Variants in RNF122 observed in about 807,000 individuals in gnomAD.
RNF122 encodes the protein ring finger protein 122.
Under a neutral mutation model 24.2 loss-of-function variants are expected in RNF122, and 17 were observed. That is an observed-to-expected ratio of 0.70 (90% CI 0.48 to 1.06). The LOEUF (loss-of-function observed/expected upper bound fraction) is 1.06, where lower values mean the gene tolerates loss of function less well. Among genes scored for constraint, RNF122 ranks in the 50% least tolerant of loss-of-function variants. The probability of loss-of-function intolerance (pLI) is 0.00; values close to 1 mark genes in which losing one functional copy is unlikely to be tolerated. For synonymous variants in RNF122, 65 were observed against 71.8 expected (o/e 0.91, Z 0.48); for missense variants, 168 against 198.1 (o/e 0.85, Z 0.91).
intron 1 of RNF122, 59 bp downstream of exon 1, chr8:33,566,640 C>T: frequency 1.3e-6 from 2 of 1,552,268 alleles, no homozygotes; most frequent in South Asian, 2.4e-5. Context: ...CGACCTCGCA[C>T]CCCGCGCCGC....
intron 2 of RNF122, among the ~76,000 whole-genome samples, chr8:33,554,923 T>C (rs1810429600): frequency 6.6e-6 from 1 of 152,168 alleles, no homozygotes; most frequent in Admixed American, 6.6e-5. Flanking sequence ...AAGTGGGGCC[T>C]ATTTTGGCTG....
intron 1 of RNF122, among the ~76,000 whole-genome samples, chr8:33,560,553 C>CTTT (rs796310469): frequency 6.9e-6 from 1 of 145,624 alleles, no homozygotes; most frequent in African/African-American, 2.5e-5. Context: ...TCTTTTTTTC[C>CTTT]TTTTTTTTTT....
At position 33,566,768 on chromosome 8, in the gene RNF122, G is replaced by A; in HGVS notation, c.-45C>T. ...TTCCTCGGGCGAACGGACGCAGGCG[G>A]GGTGCCAGGAGGGCGGGGTGGGAGC... is the stretch of plus-strand genomic sequence containing the variant. On this transcript the variant is annotated 5_prime_UTR_variant, in exon 1 of 6. Coordinates refer to ENST00000256257, the MANE Select transcript of RNF122 (RefSeq NM_024787.3). The A allele has an allele frequency of 6.3e-7, 1 of 1,590,178 alleles. No homozygotes were observed. The highest frequency in any genetic ancestry group is 1.3e-5 in the African/African-American group (1 of 74,792).
intron 1 of RNF122, among the ~76,000 whole-genome samples, chr8:33,563,714 G>T (rs1315170738): frequency 3.3e-5 from 5 of 152,160 alleles, no homozygotes; most frequent in African/African-American, 1.2e-4. Context: ...GGTGCTCCCA[G>T]CTGTTTTCTC....
chr8:33,549,413 C>T lies in RNF122; in HGVS notation c.350G>A (p.Arg117His), dbSNP rs755948110. The change falls in exon 5 of 6, where the codon CGC (arginine) becomes CAC (histidine). Residue 117 changes from arginine to histidine, a missense_variant. Coordinates refer to ENST00000256257, the MANE Select transcript of RNF122 (RefSeq NM_024787.3). ...CCCTGGACACATTCCCACGTACTTG[C>T]GGTGAAAGGCGTGTTGGCACGGGAG... Reference protein sequence around the residue: ...GVLPCQHAFHRKCLVKWLEVR... With the variant: ...GVLPCQHAFHHKCLVKWLEVR... 2.5e-5 allele frequency: 40 copies of T among 1,613,046 alleles called. No homozygotes were observed. The highest frequency in any genetic ancestry group is 7.7e-5 in the South Asian group (7 of 91,074).
rs1201419677 is a variant in RNF122 at position 33,558,718 on chromosome 8, G to A, written c.79C>T (p.Pro27Ser). 13 of 1,611,118 alleles carry A rather than the reference G, an allele frequency of 8.1e-6. No individual in the cohort carries two copies. Among genetic ancestry groups the A allele is most frequent in the Non-Finnish European group, 1.1e-5 (13 of 1,178,056 alleles). ...VSTNKSCSMP[P>S]ISFQDLPLNI... The stretch of plus-strand genomic sequence containing the variant: ...AGCGGAAGGTCCTGGAAACTGATGG[G>A]TGGCATCGAGCAGGACTTGTTGGTG... The change falls in exon 2 of 6, where the codon CCC (proline) becomes TCC (serine). Residue 27 changes from proline to serine, a missense_variant. Physicochemically the swap from Pro to Ser is moderately conservative, Grantham distance 74 (BLOSUM62 -1). Transcript: ENST00000256257.
chr8:33,550,893 T>C, intron 4 of RNF122, 151 bp downstream of exon 4: 1 of 735,754 alleles, frequency 1.4e-6, no homozygotes, highest in East Asian at 2.5e-5. Context: ...TATTAATTAC[T>C]TGCTGAGATG....
chr8:33,549,935 GTTT>G (rs776996573), intron 4 of RNF122, among the ~76,000 whole-genome samples: 1 of 140,130 alleles, frequency 7.1e-6, no homozygotes. Flanking sequence ...GATCAGTTAT[GTTT>G]TTTTTTTTTT....
intron 2 of RNF122, among the ~76,000 whole-genome samples, chr8:33,556,937 C>G (rs1310587027): frequency 2.0e-5 from 3 of 152,186 alleles, no homozygotes; most frequent in Non-Finnish European, 4.4e-5. Context: ...GCTCTTCCAG[C>G]CTTGGAGAAG....
Position 33,548,420 on chromosome 8 carries a change from A to G in RNF122, c.*333T>C, listed in dbSNP as rs979207409. 1 of 202,480 alleles carries G rather than the reference A, an allele frequency of 4.9e-6. No homozygotes were observed. The highest frequency in any genetic ancestry group is 1.0e-5 in the Non-Finnish European group (1 of 99,216). The allele number at this position is 202,480 out of a possible 1,614,324, so 12.5% of individuals were successfully genotyped here. A position where few individuals can be genotyped will look rare whatever the true frequency, so the allele number is the denominator to read the frequency against. On this transcript the variant is annotated 3_prime_UTR_variant, in exon 6 of 6. Coordinates refer to ENST00000256257, the MANE Select transcript of RNF122 (RefSeq NM_024787.3). The stretch of plus-strand genomic sequence containing the variant: ...CTCATCCTCCTAATGGGAGCCTTGA[A>G]AGAGGACTTTCTCCATGTTCTTGAT...
intron 4 of RNF122, among the ~76,000 whole-genome samples, chr8:33,550,274 A>G (rs1810355340): frequency 6.6e-6 from 1 of 152,172 alleles, no homozygotes; most frequent in Non-Finnish European, 1.5e-5. Flanking sequence ...ATCCCTACAT[A>G]TTAACTCCCT....
chr8:33,555,315 G>A (rs910776443), intron 2 of RNF122, among the ~76,000 whole-genome samples: 1 of 152,056 alleles, frequency 6.6e-6, no homozygotes, highest in African/African-American at 2.4e-5. Flanking sequence ...TGATTCTCCT[G>A]CCTCAGCCTC....
Position 33,566,849 on chromosome 8 carries a change from G to C in RNF122, c.-126C>G. Reference sequence around the variant, plus strand: ...CGGGGCAGCGCGCTGCAGCCGCCCTGCTGGAGAAGCCGAACTCCCTCCGGA... The same window carrying C: ...CGGGGCAGCGCGCTGCAGCCGCCCTCCTGGAGAAGCCGAACTCCCTCCGGA... On this transcript the variant is annotated 5_prime_UTR_variant, in exon 1 of 6. Transcript: ENST00000256257. 1 of 1,090,532 alleles carries C rather than the reference G, an allele frequency of 9.2e-7. No homozygotes were observed. Among genetic ancestry groups the C allele is most frequent in the Non-Finnish European group, 1.4e-6 (1 of 734,596 alleles). The allele number at this position is 1,090,532 out of a possible 1,614,324, so 67.6% of individuals were successfully genotyped here.
Position 33,551,404 on chromosome 8 carries a change from A to G in RNF122, c.183-15T>C, listed in dbSNP as rs1364022602. ...TCCGCAGTTTGCTGGGAGAAAGAGA[A>G]AAAAATTAGAGAAAGCAGGTTAAAT... On this transcript the variant is annotated splice_polypyrimidine_tract_variant and intron_variant, in intron 2 of 5. Coordinates refer to ENST00000256257, the MANE Select transcript of RNF122 (RefSeq NM_024787.3). 14 of 1,614,048 alleles carry G rather than the reference A, an allele frequency of 8.7e-6. No homozygotes were observed. The highest frequency in any genetic ancestry group is 1.2e-5 in the Non-Finnish European group (14 of 1,179,890).
intron 2 of RNF122, among the ~76,000 whole-genome samples, chr8:33,553,342 T>C (rs1313622797): frequency 2.0e-5 from 3 of 151,626 alleles, no homozygotes; most frequent in Admixed American, 2.0e-4. Flanking sequence ...GTGGATTGCT[T>C]GAGGCCAGGA....
chr8:33,557,357 C>T (rs781306843), intron 2 of RNF122, among the ~76,000 whole-genome samples: 14 of 152,272 alleles, frequency 9.2e-5, no homozygotes, highest in Admixed American at 2.0e-4. Flanking sequence ...AGGCCGAGCA[C>T]GAGGGCTCAT....
intron 2 of RNF122, among the ~76,000 whole-genome samples, chr8:33,554,860 A>AG (rs1426251059): frequency 6.6e-6 from 1 of 151,882 alleles, no homozygotes; most frequent in East Asian, 1.9e-4. Context: ...GCTCTGAGAG[A>AG]GGGGGAAGAA....
rs1264265272 is a variant in RNF122, at chr8:33,548,553, A to G, written c.*200T>C. On this transcript the variant is annotated 3_prime_UTR_variant, in exon 6 of 6. Transcript: ENST00000256257. ...CCACCAGCATGGAGTAGCAGGGAAGAAGGCTTCAGGAGGCAGGAAGTGGGG... is the reference window on the plus strand; with the variant it reads ...CCACCAGCATGGAGTAGCAGGGAAGGAGGCTTCAGGAGGCAGGAAGTGGGG... 3 of 509,546 alleles carry G rather than the reference A, an allele frequency of 5.9e-6. No individual in the cohort carries two copies. The highest frequency in any genetic ancestry group is 5.7e-5 in the African/African-American group (3 of 52,316). The allele number at this position is 509,546 out of a possible 1,614,324, so 31.6% of individuals were successfully genotyped here. A position where few individuals can be genotyped will look rare whatever the true frequency, so the allele number is the denominator to read the frequency against.
At chr8:33,548,920 A>G in intron 5 of RNF122, 53 bp from the exon 6 acceptor site, 3 of 1,247,452 alleles carry the variant, frequency 2.4e-6, no homozygotes, top group Admixed American at 3.4e-5. Flanking sequence ...ACGCTGCTCC[A>G]GTTGTCTCTC....
Sources: gnomAD v4.1 joint callset for allele counts (sites outside exome capture counted in the v4.1 genomes callset) on GRCh38, gnomAD v4.1.1 for gene constraint, MANE v1.5 for transcripts, NCBI Gene and HGNC (gene_info 2026-07-23, HGNC 2026-07-21) for gene names.